The following EYS variants were observed in gnomAD, a reference collection of about 807,000 sequenced individuals.
EYS encodes the protein protein eyes shut homolog.
Under a neutral mutation model 282.1 loss-of-function variants are expected in EYS, and 250 were observed. That is an observed-to-expected ratio of 0.89 (90% CI 0.80 to 0.98). The LOEUF (loss-of-function observed/expected upper bound fraction) is 0.98, where lower values mean the gene tolerates loss of function less well. Ranked by LOEUF, EYS falls within the 50% of genes least tolerant of loss-of-function variation. EYS has a pLI of 0.00. For missense variants in EYS, 4,016 were observed against 3,709.0 expected (o/e 1.08, Z -2.15); for synonymous variants, 1,355 against 1,282.9 (o/e 1.06, Z -1.20).
chr6:64,234,131 T>C (rs918875473), intron 30 of EYS, among the ~76,000 whole-genome samples: 1 of 152,222 alleles, frequency 6.6e-6, no homozygotes, highest in Non-Finnish European at 1.5e-5. Context: ...CCCTTGAGTT[T>C]AGAGCTTTAA....
chr6:65,146,057 A>T (rs1201929254), intron 12 of EYS, among the ~76,000 whole-genome samples: 2 of 151,856 alleles, frequency 1.3e-5, no homozygotes, highest in Non-Finnish European at 2.9e-5. Flanking sequence ...TATCAATAGG[A>T]GGAAAGTTTT....
intron 33 of EYS, among the ~76,000 whole-genome samples, chr6:64,039,026 A>C (rs1414608193): frequency 2.0e-5 from 3 of 152,144 alleles, no homozygotes; most frequent in Non-Finnish European, 4.4e-5. Flanking sequence ...GCTGGTCTCA[A>C]ACTCCTGACC....
chr6:63,834,745 A>T (rs1005608788), intron 36 of EYS, among the ~76,000 whole-genome samples: 6 of 152,046 alleles, frequency 3.9e-5, no homozygotes, highest in African/African-American at 1.5e-4. Context: ...GTATAGACAC[A>T]TGCACGTGTA....
intron 24 of EYS, among the ~76,000 whole-genome samples, chr6:64,595,955 C>T (rs1766572059): frequency 6.6e-6 from 1 of 152,134 alleles, no homozygotes. Flanking sequence ...TTAGAGGAAG[C>T]ATGGTGCTGG....
At chr6:64,417,737 C>A (rs1774102939) in intron 28 of EYS, among the ~76,000 whole-genome samples, 1 of 133,948 alleles carries the variant, frequency 7.5e-6, no homozygotes, top group Admixed American at 8.6e-5. Context: ...GTGGCACAAT[C>A]TTGGCTCACT....
intron 5 of EYS, among the ~76,000 whole-genome samples, chr6:65,427,377 G>A (rs535608016): frequency 4.6e-5 from 7 of 151,794 alleles, no homozygotes; most frequent in South Asian, 4.1e-4. Context: ...GCATTTACAC[G>A]TTTAAATTTT....
At chr6:63,835,330 T>C (rs1053025325) in intron 36 of EYS, among the ~76,000 whole-genome samples, 1 of 147,124 alleles carries the variant, frequency 6.8e-6, no homozygotes, top group African/African-American at 2.5e-5. Context: ...ACATATATAC[T>C]CTCTCTCTAT....
chr6:64,878,147 T>C (rs762008409), intron 19 of EYS, among the ~76,000 whole-genome samples: 1 of 151,882 alleles, frequency 6.6e-6, no homozygotes, highest in Non-Finnish European at 1.5e-5. Context: ...GCAGGAGAAT[T>C]GCTTGAGGTG....
chr6:64,031,907 G>T (rs937487123), intron 33 of EYS, among the ~76,000 whole-genome samples: 21 of 152,166 alleles, frequency 1.4e-4, no homozygotes, highest in Non-Finnish European at 8.8e-5. Flanking sequence ...GGCTGCCTGA[G>T]CCAGCAGTGG....
intron 12 of EYS, among the ~76,000 whole-genome samples, chr6:65,249,137 G>T (rs1158016725): frequency 1.3e-5 from 2 of 149,486 alleles, no homozygotes; most frequent in Non-Finnish European, 3.0e-5. Flanking sequence ...TAAGAACAAA[G>T]TATAAAAGAA....
chr6:64,770,304 T>C (rs1773487511), intron 22 of EYS, among the ~76,000 whole-genome samples: 1 of 151,994 alleles, frequency 6.6e-6, no homozygotes, highest in Non-Finnish European at 1.5e-5. Flanking sequence ...AATGAAAAGT[T>C]ATTGTTTTAA....
chr6:64,823,055 A>G (rs1360541029), intron 19 of EYS, among the ~76,000 whole-genome samples: 1 of 151,964 alleles, frequency 6.6e-6, no homozygotes, highest in African/African-American at 2.4e-5. Flanking sequence ...TAATCTACTG[A>G]GGAGATTGTT....
At chr6:65,353,362 G>T in intron 9 of EYS, 96 bp downstream of exon 9, 1 of 1,026,758 alleles carries the variant, frequency 9.7e-7, no homozygotes, top group Non-Finnish European at 1.5e-6. Context: ...TACGTTTTGA[G>T]ATATAAAATA....
At chr6:64,249,125 A>T (rs1767121336) in intron 30 of EYS, among the ~76,000 whole-genome samples, 1 of 151,780 alleles carries the variant, frequency 6.6e-6, no homozygotes, top group Non-Finnish European at 1.5e-5. Flanking sequence ...ACTATTCACA[A>T]TATCAAAAAT....
intron 22 of EYS, among the ~76,000 whole-genome samples, chr6:64,641,422 T>G (rs910258946): frequency 1.3e-5 from 2 of 152,256 alleles, no homozygotes; most frequent in Non-Finnish European, 2.9e-5. Context: ...AGCCAAACCA[T>G]ATCATGCTTA....
At chr6:64,092,184 C>G (rs1772389554) in intron 31 of EYS, among the ~76,000 whole-genome samples, 1 of 152,156 alleles carries the variant, frequency 6.6e-6, no homozygotes. Flanking sequence ...CAAGTCTTTG[C>G]TATTGTGAAT....
rs547572023 is a variant in EYS, at chr6:64,527,879, G to A, written c.5644+62344C>T. 3.3e-5 allele frequency among the ~76,000 whole-genome samples: 5 copies of A among 151,792 alleles called. No homozygotes were observed. The South Asian group carries it at 8.3e-4, about 25-fold the overall frequency. On this transcript the variant is annotated intron_variant, in intron 26 of 42. Transcript: ENST00000503581. ...AGACAAGGGAAAAAGAGAAATCACA[G>A]GAGAGTACCAATTTACTTAAAAGTT...
Position 63,894,591 on chromosome 6 carries a change from T to G in EYS, c.7056-30233A>C, listed in dbSNP as rs576931507. Among the ~76,000 whole-genome samples the G allele has an allele frequency of 2.7e-5, 4 of 150,644 alleles. No homozygotes were observed. In the South Asian group the frequency reaches 8.4e-4, roughly 32 times the overall value. On this transcript the variant is annotated intron_variant, in intron 35 of 42. Coordinates refer to ENST00000503581, the MANE Select transcript of EYS (RefSeq NM_001142800.2). Reference sequence around the variant, plus strand: ...TGTTTTTTTTTGTTTGTTTGTTTGTTTTTTTTTTGAGATGGAGTCTCACTC... The same window carrying G: ...TGTTTTTTTTTGTTTGTTTGTTTGTGTTTTTTTTGAGATGGAGTCTCACTC...
At chr6:65,393,680 C>T (rs1766148641) in intron 7 of EYS, among the ~76,000 whole-genome samples, 1 of 151,766 alleles carries the variant, frequency 6.6e-6, no homozygotes, top group Admixed American at 6.6e-5. Context: ...AAACTGAAAA[C>T]CTTAACTTTA....
Sources: allele counts gnomAD v4.1 joint callset (sites outside exome capture counted in the v4.1 genomes callset), GRCh38; gene constraint gnomAD v4.1.1; transcripts MANE v1.5; gene names NCBI Gene and HGNC (gene_info 2026-07-23, HGNC 2026-07-21).